Variants in CHP1 observed in about 807,000 individuals in gnomAD.
CHP1 encodes the protein calcineurin like EF-hand protein 1, also known as calcineurin B homologous protein 1.
A neutral mutation model predicts 27.4 loss-of-function variants in CHP1; 11 were observed. That is an observed-to-expected ratio of 0.40 (90% confidence interval 0.25 to 0.67). The LOEUF is 0.67. CHP1 is among the 30% of genes least tolerant of loss of function. The pLI, the probability that CHP1 is intolerant of heterozygous loss-of-function variation, is 0.38. For missense variants in CHP1, 169 were observed against 251.3 expected (o/e 0.67, Z 2.22); for synonymous variants, 89 against 87.4 (o/e 1.02, Z -0.10).
At chr15:41,251,767 C>T (rs936327155) in intron 2 of CHP1, among the ~76,000 whole-genome samples, 13 of 151,224 alleles carry the variant, frequency 8.6e-5, no homozygotes, top group Non-Finnish European at 1.9e-4. Context: ...AAAACTGGTC[C>T]CTGGTCCCAA....
intron 1 of CHP1, among the ~76,000 whole-genome samples, chr15:41,231,732 C>T (rs2047244697): frequency 6.6e-6 from 1 of 152,042 alleles, no homozygotes; most frequent in African/African-American, 2.4e-5. Context: ...ATCAAAGTCC[C>T]CGAACTCCTT....
chr15:41,243,600 C>T (rs911706311), intron 1 of CHP1, 67 bp from the exon 2 acceptor site: 13 of 1,270,250 alleles, frequency 1.0e-5, no homozygotes, highest in Admixed American at 9.3e-5. Flanking sequence ...CATTTGACAG[C>T]GAGGGGTGGG....
chr15:41,273,096 C>G (rs955677542), intron 5 of CHP1, among the ~76,000 whole-genome samples: 1 of 151,906 alleles, frequency 6.6e-6, no homozygotes, highest in Non-Finnish European at 1.5e-5. Context: ...AGCCCAATCT[C>G]TTTTACTCAC....
intron 1 of CHP1, among the ~76,000 whole-genome samples, chr15:41,232,145 T>C (rs1470212123): frequency 6.6e-6 from 1 of 152,198 alleles, no homozygotes; most frequent in Non-Finnish European, 1.5e-5. Flanking sequence ...GGTGTACTTT[T>C]TTATTCGCTA....
At chr15:41,276,192 G>A (rs77213159) in intron 5 of CHP1, among the ~76,000 whole-genome samples, 12,309 of 150,184 alleles carry the variant, frequency 0.082, 622 homozygotes, top group East Asian at 0.17. Context: ...AGTAAGCCAA[G>A]ATCGTGCCAT....
chr15:41,263,466 T>C (rs576042228), intron 4 of CHP1, among the ~76,000 whole-genome samples: 1 of 152,208 alleles, frequency 6.6e-6, no homozygotes, highest in Non-Finnish European at 1.5e-5. Flanking sequence ...TTGCCTTCCC[T>C]TCTGCCCTTA....
At position 41,270,565 on chromosome 15, in the gene CHP1, C is replaced by T. The variant is rs1350398344; in HGVS notation, c.358C>T (p.Arg120Ter). The T allele has an allele frequency of 3.1e-6, 5 of 1,613,366 alleles. No individual in the cohort carries two copies. The highest frequency in any genetic ancestry group is 1.3e-5 in the African/African-American group (1 of 74,862). The change falls in exon 5 of 7, where the codon CGA (arginine) becomes TGA (stop). Residue 120 changes from arginine to a stop codon, truncating the protein, a stop_gained. Coordinates refer to ENST00000334660, the MANE Select transcript of CHP1 (RefSeq NM_007236.5). LOFTEE classifies it high-confidence loss of function. ...SRSNKLHFAF[R>*]LYDLDKDEKI... ...GTGTTTTTCCCTTACAGTTGCTTTTCGACTATATGATTTGGATAAAGATGA... is the reference window on the plus strand; with the variant it reads ...GTGTTTTTCCCTTACAGTTGCTTTTTGACTATATGATTTGGATAAAGATGA...
chr15:41,266,153 C>T (rs2047459111), intron 4 of CHP1, among the ~76,000 whole-genome samples: 1 of 151,948 alleles, frequency 6.6e-6, no homozygotes, highest in African/African-American at 2.4e-5. Context: ...CATGGTGGTG[C>T]ATGCCTGTAA....
At chr15:41,252,925 T>A (rs2047377208) in intron 2 of CHP1, among the ~76,000 whole-genome samples, 1 of 129,046 alleles carries the variant, frequency 7.7e-6, no homozygotes, top group African/African-American at 2.9e-5. Flanking sequence ...GTATTTCACA[T>A]GGTTTTTTTT....
At chr15:41,278,694 T>G in intron 5 of CHP1, 73 bp from the exon 6 acceptor site, 1 of 1,589,260 alleles carries the variant, frequency 6.3e-7, no homozygotes, top group South Asian at 1.1e-5. Flanking sequence ...TGGTGATAGC[T>G]TTATTTTTAA....
At chr15:41,254,039 C>A (rs773356290) in intron 2 of CHP1, among the ~76,000 whole-genome samples, 10 of 151,898 alleles carry the variant, frequency 6.6e-5, no homozygotes, top group Non-Finnish European at 1.2e-4. Flanking sequence ...AGCAGTTCTT[C>A]CACCTTGGCC....
rs1054798566 is a variant in CHP1, at chr15:41,266,240, G to A, written c.349+3357G>A. Reference sequence around the variant, plus strand: ...TGATATTACAGTGAGCCGAGATCACGCTATTGCACTCCAGACTGGGCAATA... The same window carrying A: ...TGATATTACAGTGAGCCGAGATCACACTATTGCACTCCAGACTGGGCAATA... On this transcript the variant is annotated intron_variant, in intron 4 of 6. Transcript: ENST00000334660. Among the ~76,000 whole-genome samples the A allele has an allele frequency of 3.3e-5, 5 of 151,968 alleles. No homozygotes were observed. In the South Asian group the frequency reaches 8.3e-4, roughly 25 times the overall value.
intron 2 of CHP1, among the ~76,000 whole-genome samples, chr15:41,250,835 CTTT>C (rs1188897531): frequency 7.0e-6 from 1 of 143,836 alleles, no homozygotes; most frequent in African/African-American, 2.5e-5. Flanking sequence ...TTCTTTCTTT[CTTT>C]TTTTTTTTTT....
intron 3 of CHP1, among the ~76,000 whole-genome samples, chr15:41,260,945 G>T (rs77781265): frequency 6.6e-6 from 1 of 151,864 alleles, no homozygotes. Context: ...GTGCAGTGGC[G>T]CAGTCTCGGC....
At chr15:41,233,835 T>C (rs1186748353) in intron 1 of CHP1, among the ~76,000 whole-genome samples, 1 of 152,144 alleles carries the variant, frequency 6.6e-6, no homozygotes, top group Admixed American at 6.5e-5. Context: ...CTAGGGCATT[T>C]TGGGTGACTT....
At chr15:41,263,252 C>A (rs900729314) in intron 4 of CHP1, among the ~76,000 whole-genome samples, 1 of 152,278 alleles carries the variant, frequency 6.6e-6, no homozygotes, top group African/African-American at 2.4e-5. Context: ...GAGCACCTAC[C>A]GTGTGCCAGG....
At chr15:41,255,654 G>A (rs1401724668) in intron 2 of CHP1, among the ~76,000 whole-genome samples, 1 of 152,126 alleles carries the variant, frequency 6.6e-6, no homozygotes, top group East Asian at 1.9e-4. Flanking sequence ...CAGCCTGGGA[G>A]CGAAACTCCA....
chr15:41,232,541 C>A (rs1160095716), intron 1 of CHP1, among the ~76,000 whole-genome samples: 1 of 151,874 alleles, frequency 6.6e-6, no homozygotes, highest in African/African-American at 2.4e-5. Context: ...AGTCCAGTCT[C>A]TTCCTCATTA....
At chr15:41,254,624 A>G (rs2047388986) in intron 2 of CHP1, among the ~76,000 whole-genome samples, 1 of 152,178 alleles carries the variant, frequency 6.6e-6, no homozygotes, top group African/African-American at 2.4e-5. Context: ...TATTACACTA[A>G]ATGGTCAAGA....
Sources: gnomAD v4.1 joint callset for allele counts (sites outside exome capture counted in the v4.1 genomes callset) on GRCh38, gnomAD v4.1.1 for gene constraint, MANE v1.5 for transcripts, NCBI Gene and HGNC (gene_info 2026-07-23, HGNC 2026-07-21) for gene names.